IMMP2L: variants seen among roughly 807,000 people sequenced by gnomAD.
IMMP2L encodes mitochondrial inner membrane protease subunit 2.
IMMP2L carries 18 observed loss-of-function variants against 19.3 expected under a neutral mutation model. The ratio of observed to expected loss-of-function variants is 0.93; its 90% confidence interval spans 0.64 to 1.38. IMMP2L has a LOEUF of 1.38. IMMP2L is among the 40% of genes most tolerant of loss of function. The pLI, the probability that IMMP2L is intolerant of heterozygous loss-of-function variation, is 0.00. For missense variants in IMMP2L, 233 were observed against 218.2 expected (o/e 1.07, Z -0.43); for synonymous variants, 76 against 73.0 (o/e 1.04, Z -0.21).
At chr7:111,501,951 G>C (rs895111402) in intron 2 of IMMP2L, among the ~76,000 whole-genome samples, 1 of 152,082 alleles carries the variant, frequency 6.6e-6, no homozygotes, top group African/African-American at 2.4e-5. Flanking sequence ...CATAATGACA[G>C]GACCAAATTC....
At chr7:111,285,285 G>A (rs1291527084) in intron 3 of IMMP2L, among the ~76,000 whole-genome samples, 1 of 152,070 alleles carries the variant, frequency 6.6e-6, no homozygotes, top group Non-Finnish European at 1.5e-5. Flanking sequence ...ATCTAAGCAG[G>A]ACACCCTGTG....
At chr7:110,714,091 T>C (rs1297424755) in intron 5 of IMMP2L, among the ~76,000 whole-genome samples, 2 of 152,196 alleles carry the variant, frequency 1.3e-5, no homozygotes, top group Non-Finnish European at 2.9e-5. Context: ...ATTATTTTGA[T>C]GTATTTTCCT....
intron 3 of IMMP2L, among the ~76,000 whole-genome samples, chr7:111,225,082 A>C (rs1812935430): frequency 6.6e-6 from 1 of 152,138 alleles, no homozygotes; most frequent in African/African-American, 2.4e-5. Context: ...TCCACCAAAC[A>C]CTTTTTACTT....
At chr7:110,714,601 T>C (rs1795115491) in intron 5 of IMMP2L, among the ~76,000 whole-genome samples, 1 of 152,068 alleles carries the variant, frequency 6.6e-6, no homozygotes, top group Non-Finnish European at 1.5e-5. Context: ...TGTTTGTTTG[T>C]TTGCTTGTTT....
intron 1 of IMMP2L, among the ~76,000 whole-genome samples, chr7:111,526,530 C>G (rs1846875786): frequency 6.6e-6 from 1 of 152,104 alleles, no homozygotes; most frequent in Non-Finnish European, 1.5e-5. Context: ...ACAGATAATA[C>G]GGGGTAACAC....
chr7:111,549,551 G>A, intron 1 of IMMP2L, among the ~76,000 whole-genome samples: 1 of 152,126 alleles, frequency 6.6e-6, no homozygotes, highest in East Asian at 1.9e-4. Flanking sequence ...TTAGCATAAT[G>A]TAGTCATATA....
intron 3 of IMMP2L, among the ~76,000 whole-genome samples, chr7:110,978,380 A>G (rs565032944): frequency 2.6e-5 from 4 of 152,134 alleles, no homozygotes; most frequent in South Asian, 4.1e-4. Context: ...ACAAATGAAT[A>G]TTTCCCAAAA....
chr7:110,787,566 C>T (rs73716415), intron 5 of IMMP2L, among the ~76,000 whole-genome samples: 9,435 of 151,930 alleles, frequency 0.062, 323 homozygotes, highest in African/African-American at 0.082. Context: ...TGCTAATCCC[C>T]AGGAGTCTCA....
At chr7:111,113,632 A>T (rs774739061) in intron 3 of IMMP2L, among the ~76,000 whole-genome samples, 9 of 152,210 alleles carry the variant, frequency 5.9e-5, no homozygotes, top group African/African-American at 7.2e-5. Context: ...AAAATGACTT[A>T]AAAATTGTTT....
In IMMP2L at chr7:110,870,245, T is replaced by TTCA. The variant is rs761581694; in HGVS notation, c.408+16345_408+16347dup. ...TCTCCACTAACCATTTTAAGTGCAT[T>TTCA]TCATTCTCTTTTTTCCAAAGATGTC... On this transcript the variant is annotated intron_variant, in intron 5 of 5. Coordinates refer to ENST00000405709, the MANE Select transcript of IMMP2L (RefSeq NM_032549.4). This position sits in a 1 kb window ranked among gnomAD's most constrained non-coding sequence, Gnocchi z 4.2. Among the ~76,000 whole-genome samples, 7 of 152,138 alleles carry TTCA rather than the reference T, an allele frequency of 4.6e-5. No individual in the cohort carries two copies. The highest frequency in any genetic ancestry group is 8.8e-5 in the Non-Finnish European group (6 of 68,018).
intron 3 of IMMP2L, among the ~76,000 whole-genome samples, chr7:111,010,276 G>A (rs779117986): frequency 1.3e-4 from 20 of 152,042 alleles, no homozygotes; most frequent in Non-Finnish European, 2.5e-4. Flanking sequence ...CAAATGTTAA[G>A]AAACCAAATA....
intron 5 of IMMP2L, among the ~76,000 whole-genome samples, chr7:110,779,711 G>A (rs1047731373): frequency 1.3e-5 from 2 of 151,778 alleles, no homozygotes; most frequent in African/African-American, 4.8e-5. Context: ...AGGGCCCTAG[G>A]ACACCGCAGC....
rs10232461 is a variant in IMMP2L at position 111,058,412 on chromosome 7, A to T, written c.240-94847T>A. 9.7e-3 allele frequency among the ~76,000 whole-genome samples: 1,473 copies of T among 152,314 alleles called. 24 individuals are homozygous for T. Among genetic ancestry groups the T allele is most frequent in the African/African-American group, 0.033 (1,369 of 41,574 alleles). On this transcript the variant is annotated intron_variant, in intron 3 of 5. Coordinates refer to ENST00000405709, the MANE Select transcript of IMMP2L (RefSeq NM_032549.4). ...AACTTCAGATTTAAAAGAGCAAACA[A>T]TTCTTATAAAAAACAAGCTGAAACT... is the stretch of plus-strand genomic sequence containing the variant.
At chr7:111,323,583 C>T (rs376501772) in intron 3 of IMMP2L, among the ~76,000 whole-genome samples, 3 of 151,988 alleles carry the variant, frequency 2.0e-5, no homozygotes, top group African/African-American at 4.8e-5. Flanking sequence ...GTCAGTGTGG[C>T]GATTCCTCAG....
At chr7:111,022,531 A>C (rs1160150308) in intron 3 of IMMP2L, among the ~76,000 whole-genome samples, 1 of 152,204 alleles carries the variant, frequency 6.6e-6, no homozygotes, top group African/African-American at 2.4e-5. Flanking sequence ...ACTCCTCCTC[A>C]GATGTTCCGA....
In IMMP2L at chr7:110,741,431, G is replaced by A. The variant is rs141297751; in HGVS notation, c.409-77710C>T. On this transcript the variant is annotated intron_variant, in intron 5 of 5. Coordinates refer to ENST00000405709, the MANE Select transcript of IMMP2L (RefSeq NM_032549.4). ...AGGAGGTAATTATGCCATGAGGGCAGAGCCCTCATTAATATGATTAGTGCC... is the reference window on the plus strand; with the variant it reads ...AGGAGGTAATTATGCCATGAGGGCAAAGCCCTCATTAATATGATTAGTGCC... Among the ~76,000 whole-genome samples the A allele has an allele frequency of 4.2e-3, 643 of 152,348 alleles. 16 individuals are homozygous for A. Among genetic ancestry groups the A allele is most frequent in the East Asian group, 1.7e-3 (9 of 5,182 alleles).
intron 4 of IMMP2L, among the ~76,000 whole-genome samples, chr7:110,921,489 A>G (rs1193801004): frequency 2.6e-5 from 4 of 152,190 alleles, no homozygotes; most frequent in Admixed American, 2.6e-4. Flanking sequence ...ATTCCTCTGC[A>G]TTATTTCTTA....
chr7:111,243,727 T>G (rs1158046945), intron 3 of IMMP2L, among the ~76,000 whole-genome samples: 1 of 94,202 alleles, frequency 1.1e-5, no homozygotes, highest in East Asian at 3.2e-4. Flanking sequence ...CCATGTGATC[T>G]CATTGTTCAA....
intron 4 of IMMP2L, among the ~76,000 whole-genome samples, chr7:110,897,389 C>T (rs894610201): frequency 6.6e-6 from 1 of 152,102 alleles, no homozygotes. Flanking sequence ...CTTAAATTCA[C>T]TAGTAGTCAG....
Sources: allele counts gnomAD v4.1 joint callset (sites outside exome capture counted in the v4.1 genomes callset), GRCh38; gene constraint gnomAD v4.1.1; non-coding constraint Gnocchi (gnomAD v3.1); transcripts MANE v1.5; gene names NCBI Gene and HGNC (gene_info 2026-07-23, HGNC 2026-07-21).